Variants in RPA3 observed in about 807,000 individuals in gnomAD.
RPA3 encodes replication protein A3.
RPA3 carries 24 observed loss-of-function variants against 13.7 expected under a neutral mutation model. That is an observed-to-expected ratio of 1.75 (90% CI 1.27 to 2.46). RPA3 has a LOEUF of 2.46. Among genes scored for constraint, RPA3 ranks in the 30% most tolerant of loss-of-function variants. The pLI, the probability that RPA3 is intolerant of heterozygous loss-of-function variation, is 0.00. For synonymous variants in RPA3, 59 were observed against 51.2 expected, an observed-to-expected ratio of 1.15 and a Z score of -0.65; for missense variants, 183 against 151.0, an observed-to-expected ratio of 1.21 and a Z score of -1.11.
At chr7:7,690,393 A>G (rs887898190) in intron 2 of RPA3, among the ~76,000 whole-genome samples, 1 of 152,144 alleles carries the variant, frequency 6.6e-6, no homozygotes. Flanking sequence ...AACCAAGTAT[A>G]TATTATGTTT....
chr7:7,700,357 A>G (rs1429968672), intron 2 of RPA3, among the ~76,000 whole-genome samples: 1 of 152,196 alleles, frequency 6.6e-6, no homozygotes, highest in Non-Finnish European at 1.5e-5. Flanking sequence ...GAGGGGTAGG[A>G]TTTCATTTCA....
rs193031188 is a variant in RPA3 at position 7,658,538 on chromosome 7, C to T, written c.-757-17363G>A. On this transcript the variant is annotated intron_variant, in intron 4 of 7. Transcript: ENST00000223129. ...AGTATGAAGGGCTGTTGAATTTTAT[C>T]GAAGGCCTTTTCTGCATCTATTGAG... 7.4e-3 allele frequency among the ~76,000 whole-genome samples: 1,125 copies of T among 152,226 alleles called. 23 individuals carry two copies. The highest frequency in any genetic ancestry group is 0.026 in the African/African-American group (1,071 of 41,526).
chr7:7,710,354 G>A (rs1400583676), intron 2 of RPA3, among the ~76,000 whole-genome samples: 2 of 151,938 alleles, frequency 1.3e-5, no homozygotes, highest in Admixed American at 1.3e-4. Flanking sequence ...GCAAAACTCA[G>A]CAGTAAAAAA....
Position 7,705,849 on chromosome 7 carries a change from G to A in RPA3, c.-1028+9326C>T, listed in dbSNP as rs569999296. ...TCAATTGTAATAAACATTCCTTTCT[G>A]GTGGGGAGGTTGTAAATGGGGGAGG... On this transcript the variant is annotated intron_variant, in intron 2 of 7. Coordinates refer to ENST00000223129, the MANE Select transcript of RPA3 (RefSeq NM_002947.5). 7.7e-4 allele frequency among the ~76,000 whole-genome samples: 117 copies of A among 152,250 alleles called. 1 individual carries two copies. Among genetic ancestry groups the A allele is most frequent in the African/African-American group, 2.8e-3 (115 of 41,550 alleles).
chr7:7,661,508 T>G lies in RPA3; in HGVS notation c.-757-20333A>C, dbSNP rs573212550. On this transcript the variant is annotated intron_variant, in intron 4 of 7. Coordinates refer to ENST00000223129, the MANE Select transcript of RPA3 (RefSeq NM_002947.5). ...GTGGGGTTTCTGAGTGGACATCATT[T>G]TGTTGATGTTGATGCTCCTCCTTTC... 2.6e-5 allele frequency among the ~76,000 whole-genome samples: 4 copies of G among 152,290 alleles called. No individual in the cohort carries two copies. In the South Asian group the frequency reaches 8.3e-4, roughly 32 times the overall value.
intron 4 of RPA3, among the ~76,000 whole-genome samples, chr7:7,667,586 T>C (rs1358590489): frequency 1.3e-5 from 2 of 152,150 alleles, no homozygotes; most frequent in Admixed American, 1.3e-4. Context: ...CCTATCCACT[T>C]AATGAATGTT....
chr7:7,703,355 AGAG>A (rs1780516029), intron 2 of RPA3, among the ~76,000 whole-genome samples: 1 of 152,218 alleles, frequency 6.6e-6, no homozygotes, highest in African/African-American at 2.4e-5. Context: ...AGACTGAAGA[AGAG>A]ATTTTCCATC....
chr7:7,638,182 A>T, intron 6 of RPA3: 1 of 417,786 alleles, frequency 2.4e-6, no homozygotes, highest in Non-Finnish European at 4.4e-6. Flanking sequence ...CTTTAGCAGT[A>T]GCTTCAAGTC....
In RPA3 at chr7:7,642,628, A is replaced by G. The variant is rs1036736207; in HGVS notation, c.-757-1453T>C. On this transcript the variant is annotated intron_variant, in intron 4 of 7. Coordinates refer to ENST00000223129, the MANE Select transcript of RPA3 (RefSeq NM_002947.5). ...CAGCTTTTTCGTGTATTTTTGAGTC[A>G]CTTAAAATATTATAAAATACATGAT... Among the ~76,000 whole-genome samples, 3 of 152,330 alleles carry G rather than the reference A, an allele frequency of 2.0e-5. No homozygotes were observed. The East Asian group carries it at 5.8e-4, about 29-fold the overall frequency.
intron 2 of RPA3, among the ~76,000 whole-genome samples, chr7:7,712,107 T>C (rs1780780694): frequency 6.6e-6 from 1 of 152,142 alleles, no homozygotes; most frequent in Non-Finnish European, 1.5e-5. Context: ...TTAGCCAATG[T>C]CATAAAGCTC....
intron 2 of RPA3, among the ~76,000 whole-genome samples, chr7:7,698,493 A>C (rs370454258): frequency 5.3e-4 from 80 of 152,342 alleles, no homozygotes; most frequent in African/African-American, 1.9e-3. Flanking sequence ...CACCTGATTT[A>C]ACAAAATGTG....
At chr7:7,672,354 G>A (rs1343125747) in intron 4 of RPA3, among the ~76,000 whole-genome samples, 2 of 152,142 alleles carry the variant, frequency 1.3e-5, no homozygotes, top group Non-Finnish European at 2.9e-5. Flanking sequence ...GGTTGTGTAT[G>A]TGTGCTTGTA....
rs1191334115 is a variant in RPA3, at chr7:7,641,178, G to A, written c.-757-3C>T. Reference sequence around the variant, plus strand: ...TCTACTTTCTCCACTTTCTCCACCTGTAAGAAGAGAGATTGATCCGATTAC... The same window carrying A: ...TCTACTTTCTCCACTTTCTCCACCTATAAGAAGAGAGATTGATCCGATTAC... On this transcript the variant is annotated splice_polypyrimidine_tract_variant and splice_region_variant and intron_variant, in intron 4 of 7. Transcript: ENST00000223129. 4 of 152,244 alleles carry A rather than the reference G, an allele frequency of 2.6e-5. No homozygotes were observed. Among genetic ancestry groups the A allele is most frequent in the Non-Finnish European group, 5.9e-5 (4 of 68,074 alleles). 9.4% of individuals were successfully genotyped at this position (152,244 alleles called of 1,614,324 possible).
At chr7:7,657,581 A>C (rs545584959) in intron 4 of RPA3, among the ~76,000 whole-genome samples, 3 of 152,070 alleles carry the variant, frequency 2.0e-5, no homozygotes, top group African/African-American at 7.2e-5. Flanking sequence ...TCCCTTCCCC[A>C]TGCTTGTTTT....
intron 4 of RPA3, among the ~76,000 whole-genome samples, chr7:7,659,074 T>A (rs1785412677): frequency 1.3e-5 from 2 of 152,336 alleles, no homozygotes; most frequent in Admixed American, 6.5e-5. Flanking sequence ...TTCTTCTAGA[T>A]TTTCTAGTTT....
intron 2 of RPA3, among the ~76,000 whole-genome samples, chr7:7,691,635 G>A (rs963058181): frequency 6.6e-6 from 1 of 152,182 alleles, no homozygotes; most frequent in Non-Finnish European, 1.5e-5. Context: ...CAGTGACTGA[G>A]GAAGTAAATT....
At chr7:7,652,316 C>T (rs1019904754) in intron 4 of RPA3, among the ~76,000 whole-genome samples, 4 of 152,092 alleles carry the variant, frequency 2.6e-5, no homozygotes, top group Non-Finnish European at 5.9e-5. Context: ...TCATGCAGTT[C>T]GTGGAAGTTT....
chr7:7,706,250 C>A (rs1433002617), intron 2 of RPA3, among the ~76,000 whole-genome samples: 1 of 152,018 alleles, frequency 6.6e-6, no homozygotes, highest in African/African-American at 2.4e-5. Context: ...TGAAAAAAAT[C>A]ATCAAAAAGA....
chr7:7,710,246 T>C (rs1187965593), intron 2 of RPA3, among the ~76,000 whole-genome samples: 2 of 152,136 alleles, frequency 1.3e-5, no homozygotes, highest in African/African-American at 4.8e-5. Context: ...TACTGAACAT[T>C]AGTAGGCAGA....
Sources: gnomAD v4.1 joint callset for allele counts (sites outside exome capture counted in the v4.1 genomes callset) on GRCh38, gnomAD v4.1.1 for gene constraint, MANE v1.5 for transcripts, NCBI Gene and HGNC (gene_info 2026-07-23, HGNC 2026-07-21) for gene names.